Variants in MCPH1 observed in about 807,000 individuals in gnomAD.
The protein encoded by MCPH1 is microcephalin.
Under a neutral mutation model 84.5 loss-of-function variants are expected in MCPH1, and 104 were observed. That is an observed-to-expected ratio of 1.23 (90% CI 1.05 to 1.45). The LOEUF (loss-of-function observed/expected upper bound fraction) is 1.45, where lower values mean the gene tolerates loss of function less well. Ranked by LOEUF, MCPH1 falls within the 40% of genes most tolerant of loss-of-function variation. The probability of loss-of-function intolerance (pLI) is 0.00; values close to 1 mark genes in which losing one functional copy is unlikely to be tolerated. For synonymous variants in MCPH1, 514 were observed against 366.8 expected (o/e 1.40, Z -4.58); for missense variants, 1,498 against 1,005.7 (o/e 1.49, Z -6.62).
intron 8 of MCPH1, among the ~76,000 whole-genome samples, chr8:6,451,630 C>T (rs1471530410): frequency 2.6e-5 from 4 of 152,086 alleles, no homozygotes; most frequent in African/African-American, 9.7e-5. Flanking sequence ...TGAATACAGT[C>T]TCGTTAGCAG....
intron 12 of MCPH1, among the ~76,000 whole-genome samples, chr8:6,555,422 C>T (rs898124965): frequency 1.3e-5 from 2 of 151,368 alleles, no homozygotes; most frequent in Non-Finnish European, 2.9e-5. Context: ...TGTATACTTC[C>T]TCTTGGTTAT....
intron 12 of MCPH1, among the ~76,000 whole-genome samples, chr8:6,544,755 G>A (rs1353085407): frequency 6.6e-6 from 1 of 152,146 alleles, no homozygotes; most frequent in African/African-American, 2.4e-5. Flanking sequence ...AGCATTTAGA[G>A]TTACACTTTG....
chr8:6,584,820 C>T (rs1253484200), intron 12 of MCPH1, among the ~76,000 whole-genome samples: 1 of 152,150 alleles, frequency 6.6e-6, no homozygotes, highest in Non-Finnish European at 1.5e-5. Context: ...AGTTCTTTTG[C>T]CAAACAGGTT....
At chr8:6,476,429 C>CAA (rs57044817) in intron 9 of MCPH1, among the ~76,000 whole-genome samples, 14,699 of 70,882 alleles carry the variant, frequency 0.21, 937 homozygotes, top group Middle Eastern at 0.35. Context: ...AACTCCATCT[C>CAA]AAAAAAAAAA....
In MCPH1 at chr8:6,505,814, T is replaced by C. The variant is rs185674989; in HGVS notation, c.2214+5885T>C. Among the ~76,000 whole-genome samples, 22 of 138,098 alleles carry C rather than the reference T, an allele frequency of 1.6e-4. 1 individual carries two copies. The highest frequency in any genetic ancestry group is 5.5e-4 in the African/African-American group (21 of 38,310). 90.6% of individuals were successfully genotyped at this position (138,098 alleles called of 152,430 possible). A position where few individuals can be genotyped will look rare whatever the true frequency, so the allele number is the denominator to read the frequency against. ...TATATAAAAACATGCATATTCTTTA[T>C]ATATGTATATATAAAAACATGCATA... On this transcript the variant is annotated intron_variant, in intron 12 of 13. Transcript: ENST00000344683.
At chr8:6,423,814 T>C (rs1182123397) in intron 3 of MCPH1, among the ~76,000 whole-genome samples, 1 of 152,186 alleles carries the variant, frequency 6.6e-6, no homozygotes, top group Non-Finnish European at 1.5e-5. Context: ...ACTGGAATTA[T>C]CAAAAAAATG....
chr8:6,451,972 T>G (rs1805142811), intron 8 of MCPH1, among the ~76,000 whole-genome samples: 1 of 152,258 alleles, frequency 6.6e-6, no homozygotes, highest in Non-Finnish European at 1.5e-5. Flanking sequence ...TTCTGTATCT[T>G]GGAAGTAGGA....
Position 6,444,797 on chromosome 8 carries a change from GTATCACA to G in MCPH1, c.1077_1083del (p.Ser360AlafsTer81). On this transcript the variant is annotated frameshift_variant, in exon 8 of 14. Coordinates refer to ENST00000344683, the MANE Select transcript of MCPH1 (RefSeq NM_024596.5). LOFTEE classifies it high-confidence loss of function. ...GAGTTCCTCAGTAAAGAGAAAAAGA[GTATCACA>G]TGGCTCCCATTCACCTCCGAAGGAA... The G allele has an allele frequency of 6.2e-7, 1 of 1,614,048 alleles. No individual in the cohort carries two copies. The highest frequency in any genetic ancestry group is 8.5e-7 in the Non-Finnish European group (1 of 1,179,984).
chr8:6,469,726 A>C (rs923570897), intron 9 of MCPH1, among the ~76,000 whole-genome samples: 1 of 152,220 alleles, frequency 6.6e-6, no homozygotes, highest in South Asian at 2.1e-4. Flanking sequence ...TCTATTTATC[A>C]CTAATAAAAC....
chr8:6,559,116 C>T (rs1187632291), intron 12 of MCPH1, among the ~76,000 whole-genome samples: 1 of 152,012 alleles, frequency 6.6e-6, no homozygotes, highest in Non-Finnish European at 1.5e-5. Flanking sequence ...CCACGGGAGA[C>T]CAGTGGCTGT....
intron 12 of MCPH1, among the ~76,000 whole-genome samples, chr8:6,515,098 A>G (rs1815996524): frequency 6.6e-6 from 1 of 152,024 alleles, no homozygotes; most frequent in African/African-American, 2.4e-5. Flanking sequence ...GTTTTTTTAG[A>G]GATTCATTAT....
At chr8:6,531,580 C>T (rs916296637) in intron 12 of MCPH1, among the ~76,000 whole-genome samples, 1 of 152,196 alleles carries the variant, frequency 6.6e-6, no homozygotes, top group Non-Finnish European at 1.5e-5. Context: ...GCGTGAGCTA[C>T]TGCGCCTGGC....
chr8:6,499,098 A>G (rs937978475), intron 11 of MCPH1, among the ~76,000 whole-genome samples: 1 of 144,942 alleles, frequency 6.9e-6, no homozygotes. Context: ...AAATAAATAA[A>G]TAAAATAAAC....
intron 8 of MCPH1, among the ~76,000 whole-genome samples, chr8:6,452,500 T>C (rs558657084): frequency 1.3e-5 from 2 of 152,366 alleles, no homozygotes; most frequent in South Asian, 4.1e-4. Context: ...GGAAGATATA[T>C]GGCTTTCACA....
chr8:6,582,510 G>A (rs1009332122), intron 12 of MCPH1, among the ~76,000 whole-genome samples: 26 of 152,156 alleles, frequency 1.7e-4, no homozygotes, highest in Non-Finnish European at 1.5e-5. Flanking sequence ...TTCAGCACAC[G>A]TTCTCTTCAT....
chr8:6,610,675 C>G (rs1417329145), intron 12 of MCPH1, among the ~76,000 whole-genome samples: 3 of 152,176 alleles, frequency 2.0e-5, no homozygotes, highest in Non-Finnish European at 4.4e-5. Flanking sequence ...GACCCCTAAG[C>G]CCACTTCCAA....
intron 12 of MCPH1, among the ~76,000 whole-genome samples, chr8:6,564,453 C>T (rs532636617): frequency 2.0e-5 from 3 of 152,284 alleles, no homozygotes; most frequent in African/African-American, 7.2e-5. Context: ...TTTTCACCTT[C>T]AATCCTATGG....
At chr8:6,616,850 CTCT>C (rs1830842182) in intron 12 of MCPH1, 1 of 152,210 alleles carries the variant, frequency 6.6e-6, no homozygotes, top group Non-Finnish European at 1.5e-5. Flanking sequence ...ACTTAATCCC[CTCT>C]TCTTTCATGA....
At chr8:6,423,077 T>G (rs1800475940) in intron 3 of MCPH1, among the ~76,000 whole-genome samples, 1 of 151,144 alleles carries the variant, frequency 6.6e-6, no homozygotes, top group Non-Finnish European at 1.5e-5. Flanking sequence ...CACCTTGGCC[T>G]CCCAAAGTGC....
Sources: allele counts gnomAD v4.1 joint callset (sites outside exome capture counted in the v4.1 genomes callset), GRCh38; gene constraint gnomAD v4.1.1; transcripts MANE v1.5; gene names NCBI Gene and HGNC (gene_info 2026-07-23, HGNC 2026-07-21).